Variants in FOXP1 observed in about 807,000 individuals in gnomAD.
The protein encoded by FOXP1 is forkhead box P1.
A neutral mutation model predicts 98.2 loss-of-function variants in FOXP1; 15 were observed. The observed-to-expected ratio is 0.15, with a 90% CI of 0.10 to 0.24. FOXP1 has a LOEUF of 0.24. Ranked by LOEUF, FOXP1 falls within the 10% of genes least tolerant of loss-of-function variation. The pLI is 1.00. For synonymous variants in FOXP1, 371 were observed against 314.5 expected (o/e 1.18, Z -1.90); for missense variants, 633 against 848.5 (o/e 0.75, Z 3.15).
chr3:70,965,402 C>G (rs761446070), intron 20 of FOXP1, among the ~76,000 whole-genome samples: 2 of 152,168 alleles, frequency 1.3e-5, no homozygotes, highest in Non-Finnish European at 2.9e-5. Context: ...ATTTTAAGAG[C>G]AATCTATAAA....
chr3:71,388,670 G>T (rs2080787160), intron 3 of FOXP1, among the ~76,000 whole-genome samples: 1 of 151,806 alleles, frequency 6.6e-6, no homozygotes, highest in South Asian at 2.1e-4. Flanking sequence ...GGAGAAAAAG[G>T]GAAGAAGAAA....
chr3:71,377,225 C>T (rs1577203262), intron 3 of FOXP1, among the ~76,000 whole-genome samples: 1 of 152,134 alleles, frequency 6.6e-6, no homozygotes, highest in Admixed American at 6.5e-5. Flanking sequence ...TTATTTTAAA[C>T]TGAATATTAA....
intron 5 of FOXP1, among the ~76,000 whole-genome samples, chr3:71,258,775 T>C (rs1054101686): frequency 6.6e-6 from 1 of 152,208 alleles, no homozygotes; most frequent in Non-Finnish European, 1.5e-5. Flanking sequence ...AGCAATTCTG[T>C]GTCTAGGACT....
chr3:71,474,808 G>A (rs2089677420), intron 3 of FOXP1, among the ~76,000 whole-genome samples: 2 of 152,008 alleles, frequency 1.3e-5, no homozygotes, highest in Middle Eastern at 3.4e-3. Flanking sequence ...TATAATACAA[G>A]GTAATAATAA....
At chr3:71,190,271 C>T (rs371031238) in intron 6 of FOXP1, among the ~76,000 whole-genome samples, 11 of 152,078 alleles carry the variant, frequency 7.2e-5, no homozygotes, top group African/African-American at 2.4e-4. Flanking sequence ...CATATCAGTT[C>T]CCCCTCCACC....
rs138949556 is a variant in FOXP1 at position 71,572,549 on chromosome 3, G to A, written c.-298+9000C>T. ...AGCAAGTTACTAAAAAACATATATA[G>A]TAGGATGCTATCAGAACAAACCTTG... On this transcript the variant is annotated intron_variant, in intron 2 of 20. Transcript: ENST00000649528. 4.6e-5 allele frequency: 7 copies of A among 152,260 alleles called. No individual in the cohort carries two copies. In the East Asian group the frequency reaches 1.4e-3, roughly 29 times the overall value. 9.4% of individuals were successfully genotyped at this position (152,260 alleles called of 1,614,324 possible).
At chr3:71,049,022 G>A (rs1032415895) in intron 9 of FOXP1, among the ~76,000 whole-genome samples, 19 of 152,100 alleles carry the variant, frequency 1.2e-4, no homozygotes, top group African/African-American at 2.4e-4. Flanking sequence ...AAGCAACACC[G>A]GTTGCCAAAC....
chr3:71,411,806 G>A (rs1163818997), intron 3 of FOXP1, among the ~76,000 whole-genome samples: 1 of 152,152 alleles, frequency 6.6e-6, no homozygotes, highest in Non-Finnish European at 1.5e-5. Flanking sequence ...GTCACTTAAA[G>A]CTCTGATCCT....
intron 4 of FOXP1, among the ~76,000 whole-genome samples, chr3:71,320,380 C>T (rs548892331): frequency 3.3e-5 from 5 of 151,944 alleles, no homozygotes; most frequent in African/African-American, 4.8e-5. Context: ...CATTCTACCA[C>T]GGACAGACAC....
At chr3:71,332,394 G>A (rs748529883) in intron 4 of FOXP1, 23 of 164,206 alleles carry the variant, frequency 1.4e-4, no homozygotes, top group South Asian at 3.8e-4. Context: ...CGGACATGCC[G>A]CCTTGAAGAA....
Position 70,959,190 on chromosome 3 carries a change from GTTTT to G in FOXP1, c.*53_*56del. The G allele has an allele frequency of 1.5e-6, 2 of 1,299,502 alleles. No homozygotes were observed. The highest frequency in any genetic ancestry group is 1.2e-5 in the South Asian group (1 of 81,176). 80.5% of individuals were successfully genotyped at this position (1,299,502 alleles called of 1,614,324 possible). A position where few individuals can be genotyped will look rare whatever the true frequency, so the allele number is the denominator to read the frequency against. ...CAATTTCACTGCTAACTTTTGACGT[GTTTT>G]TTTTTTTTTCCTTTTTCCAATCTTC... On this transcript the variant is annotated 3_prime_UTR_variant, in exon 21 of 21. Coordinates refer to ENST00000649528, the MANE Select transcript of FOXP1 (RefSeq NM_001349338.3).
At position 70,987,919 on chromosome 3, in the gene FOXP1, C is replaced by T. The variant is rs919671753; in HGVS notation, c.1146+75G>A. Reference sequence around the variant, plus strand: ...CCAAAGTAGGCTGGTCCTCCTTCCTCCATTTGGGGTGGGGAAGTAGAAAAG... The same window carrying T: ...CCAAAGTAGGCTGGTCCTCCTTCCTTCATTTGGGGTGGGGAAGTAGAAAAG... On this transcript the variant is annotated intron_variant, in intron 14 of 20. Coordinates refer to ENST00000649528, the MANE Select transcript of FOXP1 (RefSeq NM_001349338.3). The T allele has an allele frequency of 2.2e-6, 3 of 1,379,566 alleles. No homozygotes were observed. The African/African-American group carries it at 4.3e-5, about 20-fold the overall frequency. The allele number at this position is 1,379,566 out of a possible 1,614,324, so 85.5% of individuals were successfully genotyped here. A position where few individuals can be genotyped will look rare whatever the true frequency, so the allele number is the denominator to read the frequency against.
chr3:71,182,500 A>ATGTGTGTGTGTGTG (rs201090847), intron 6 of FOXP1, among the ~76,000 whole-genome samples: 3 of 138,562 alleles, frequency 2.2e-5, no homozygotes, highest in African/African-American at 8.3e-5. Flanking sequence ...TAAACTATAT[A>ATGTGTGTGTGTGTG]TATGTGTGTG....
intron 6 of FOXP1, among the ~76,000 whole-genome samples, chr3:71,115,328 T>TATTTATTTATTC (rs1414416383): frequency 3.8e-4 from 57 of 150,180 alleles, no homozygotes; most frequent in Admixed American, 3.1e-3. Flanking sequence ...TTTATTTATT[T>TATTTATTTATTC]ATTTATTTAT....
At chr3:71,343,580 T>G (rs1319701271) in intron 4 of FOXP1, among the ~76,000 whole-genome samples, 2 of 134,438 alleles carry the variant, frequency 1.5e-5, no homozygotes, top group Admixed American at 7.7e-5. Flanking sequence ...TTTTGAGATG[T>G]AGTCTCACTT....
intron 3 of FOXP1, among the ~76,000 whole-genome samples, chr3:71,414,476 C>CCCAGGCTT (rs1247642198): frequency 1.3e-5 from 2 of 152,174 alleles, no homozygotes; most frequent in Non-Finnish European, 2.9e-5. Context: ...GGGATGCAGC[C>CCCAGGCTT]CCAGGCTTTT....
At chr3:71,583,799 A>G, upstream of FOXP1, 6 of 984,754 alleles carry the variant, frequency 6.1e-6, no homozygotes, top group Non-Finnish European at 6.0e-6. Context: ...GAGCCCAGCC[A>G]GCGCCGGTGG....
At chr3:71,042,507 C>T (rs537755447) in intron 10 of FOXP1, among the ~76,000 whole-genome samples, 1 of 152,144 alleles carries the variant, frequency 6.6e-6, no homozygotes, top group East Asian at 1.9e-4. Flanking sequence ...TGACAACTAA[C>T]AAAAACAACA....
At chr3:71,048,117 C>T (rs72964071) in intron 9 of FOXP1, among the ~76,000 whole-genome samples, 3,941 of 152,052 alleles carry the variant, frequency 0.026, 166 homozygotes, top group African/African-American at 0.09. Flanking sequence ...AAAAGGAAAA[C>T]TAACCCTTCC....
Sources: gnomAD v4.1 joint callset for allele counts (sites outside exome capture counted in the v4.1 genomes callset) on GRCh38, gnomAD v4.1.1 for gene constraint, MANE v1.5 for transcripts, NCBI Gene and HGNC (gene_info 2026-07-23, HGNC 2026-07-21) for gene names.